The following LSAMP variants were observed in gnomAD, a reference collection of about 807,000 sequenced individuals.
LSAMP encodes the protein limbic system-associated membrane protein.
A neutral mutation model predicts 38.6 loss-of-function variants in LSAMP; 7 were observed. The observed-to-expected ratio is 0.18, with a 90% CI of 0.10 to 0.34. LSAMP has a LOEUF of 0.34. LSAMP is among the 10% of genes least tolerant of loss of function. The pLI, the probability that LSAMP is intolerant of heterozygous loss-of-function variation, is 1.00. For synonymous variants in LSAMP, 154 were observed against 166.8 expected, an observed-to-expected ratio of 0.92 and a Z score of 0.59; for missense variants, 313 against 420.0, an observed-to-expected ratio of 0.75 and a Z score of 2.23.
At chr3:116,370,792 T>C (rs1195816947) in intron 1 of LSAMP, among the ~76,000 whole-genome samples, 5 of 152,158 alleles carry the variant, frequency 3.3e-5, no homozygotes, top group Admixed American at 1.3e-4. Context: ...AACCAGAAGT[T>C]GGTTCTTCAA....
chr3:116,342,005 A>G (rs2107754239), intron 1 of LSAMP, among the ~76,000 whole-genome samples: 1 of 152,176 alleles, frequency 6.6e-6, no homozygotes, highest in South Asian at 2.1e-4. Context: ...AAAGGGCTAT[A>G]TAAATGTAAA....
intron 3 of LSAMP, among the ~76,000 whole-genome samples, chr3:115,961,266 A>G (rs2107594730): frequency 6.6e-6 from 1 of 152,306 alleles, no homozygotes; most frequent in South Asian, 2.1e-4. Context: ...AAGTCAGAAG[A>G]GACAGTGGGA....
At chr3:116,240,317 G>A (rs2046516141) in intron 1 of LSAMP, among the ~76,000 whole-genome samples, 1 of 152,192 alleles carries the variant, frequency 6.6e-6, no homozygotes, top group African/African-American at 2.4e-5. Flanking sequence ...AACCATGTCA[G>A]TGGACCTGGA....
At chr3:115,909,994 A>G (rs1937099830) in intron 3 of LSAMP, among the ~76,000 whole-genome samples, 1 of 152,154 alleles carries the variant, frequency 6.6e-6, no homozygotes, top group African/African-American at 2.4e-5. Context: ...CATTGACGCA[A>G]TGTGCTCATA....
intron 1 of LSAMP, among the ~76,000 whole-genome samples, chr3:116,421,217 A>G (rs925731040): frequency 8.5e-5 from 13 of 152,390 alleles, no homozygotes; most frequent in African/African-American, 2.9e-4. Flanking sequence ...ACACTTTAAA[A>G]GAAAATAAAA....
intron 6 of LSAMP, among the ~76,000 whole-genome samples, chr3:115,830,957 C>T (rs778237175): frequency 2.0e-4 from 30 of 152,172 alleles, no homozygotes; most frequent in Admixed American, 3.3e-4. Context: ...CATGCCAGGA[C>T]GACTTCAGAT....
chr3:116,305,950 C>A (rs1407579922), intron 1 of LSAMP, among the ~76,000 whole-genome samples: 1 of 128,944 alleles, frequency 7.8e-6, no homozygotes, highest in Admixed American at 7.9e-5. Flanking sequence ...TTTTTTTTTA[C>A]TATATAATCA....
chr3:116,181,742 A>T (rs557753357), intron 1 of LSAMP, among the ~76,000 whole-genome samples: 1 of 152,052 alleles, frequency 6.6e-6, no homozygotes, highest in East Asian at 1.9e-4. Flanking sequence ...TTCAGATACC[A>T]CACTCCCATC....
At chr3:115,831,536 G>A (rs947995118) in intron 6 of LSAMP, among the ~76,000 whole-genome samples, 4 of 152,152 alleles carry the variant, frequency 2.6e-5, no homozygotes, top group African/African-American at 9.7e-5. Flanking sequence ...TTATGAAGAA[G>A]AGCTAGGCAC....
chr3:115,947,971 A>G (rs1201855548), intron 3 of LSAMP, among the ~76,000 whole-genome samples: 1 of 152,244 alleles, frequency 6.6e-6, no homozygotes, highest in Admixed American at 6.5e-5. Flanking sequence ...ACAAACTCAG[A>G]AATAAAGTAC....
chr3:116,131,143 A>T (rs142056553), intron 1 of LSAMP, among the ~76,000 whole-genome samples: 7,544 of 151,118 alleles, frequency 0.05, 239 homozygotes, highest in Middle Eastern at 0.11. Context: ...GGCGCCCTCC[A>T]CCTCGCCTGG....
At chr3:116,349,505 T>C (rs201854180) in intron 1 of LSAMP, among the ~76,000 whole-genome samples, 1 of 145,910 alleles carries the variant, frequency 6.9e-6, no homozygotes, top group Non-Finnish European at 1.5e-5. Flanking sequence ...ACACACACTC[T>C]CTCTCTCTCT....
intron 2 of LSAMP, among the ~76,000 whole-genome samples, chr3:116,032,029 A>G (rs1025818013): frequency 6.6e-6 from 1 of 152,184 alleles, no homozygotes; most frequent in Non-Finnish European, 1.5e-5. Flanking sequence ...CCAGAGAGGT[A>G]CATAATGTCA....
At chr3:115,847,012 T>C (rs893141646) in intron 4 of LSAMP, among the ~76,000 whole-genome samples, 2 of 152,162 alleles carry the variant, frequency 1.3e-5, no homozygotes, top group African/African-American at 4.8e-5. Context: ...TCTCACAGGT[T>C]TGAAGTAAAG....
chr3:116,209,080 A>T (rs771045967), intron 1 of LSAMP, among the ~76,000 whole-genome samples: 3 of 152,216 alleles, frequency 2.0e-5, no homozygotes, highest in Non-Finnish European at 4.4e-5. Context: ...CCTCTGAGCC[A>T]GGTGCGGGAT....
At chr3:115,910,018 T>C (rs1480217266) in intron 3 of LSAMP, among the ~76,000 whole-genome samples, 1 of 152,218 alleles carries the variant, frequency 6.6e-6, no homozygotes, top group Non-Finnish European at 1.5e-5. Flanking sequence ...GTGTTGTTGG[T>C]CTCAATCATA....
chr3:116,416,842 A>C (rs1172090701), intron 1 of LSAMP, among the ~76,000 whole-genome samples: 1 of 152,122 alleles, frequency 6.6e-6, no homozygotes. Flanking sequence ...CTCAACATTT[A>C]GCAAGTGTCT....
intron 2 of LSAMP, among the ~76,000 whole-genome samples, chr3:116,020,826 A>G (rs1447184825): frequency 6.6e-6 from 1 of 152,192 alleles, no homozygotes; most frequent in African/African-American, 2.4e-5. Flanking sequence ...GTCCCTGAGA[A>G]AGTATGTGTC....
At chr3:116,042,241 G>A (rs144923425) in intron 2 of LSAMP, among the ~76,000 whole-genome samples, 102 of 152,238 alleles carry the variant, frequency 6.7e-4, no homozygotes, top group African/African-American at 1.8e-3. Context: ...CTTACTAAGT[G>A]TTTTGCACAT....
Sources: allele counts gnomAD v4.1 joint callset (sites outside exome capture counted in the v4.1 genomes callset), GRCh38; gene constraint gnomAD v4.1.1; transcripts MANE v1.5; gene names NCBI Gene and HGNC (gene_info 2026-07-23, HGNC 2026-07-21).